QSOX1: variants seen among roughly 807,000 people sequenced by gnomAD.
The protein encoded by QSOX1 is quiescin sulfhydryl oxidase 1, also known as sulfhydryl oxidase 1.
Under a neutral mutation model 76.1 loss-of-function variants are expected in QSOX1, and 40 were observed. That is an observed-to-expected ratio of 0.53 (90% confidence interval 0.41 to 0.68). The LOEUF is 0.68. QSOX1 is among the 30% of genes least tolerant of loss of function. The probability of loss-of-function intolerance (pLI) is 0.00; values close to 1 mark genes in which losing one functional copy is unlikely to be tolerated. For synonymous variants in QSOX1, 392 were observed against 413.1 expected (o/e 0.95, Z 0.62); for missense variants, 931 against 974.3 (o/e 0.96, Z 0.59).
intron 3 of QSOX1, 96 bp downstream of exon 3, chr1:180,175,462 C>G: frequency 7.4e-7 from 1 of 1,356,132 alleles, no homozygotes; most frequent in South Asian, 1.2e-5. Flanking sequence ...CCCTGGCAGT[C>G]GGCAGGGTCG....
chr1:180,175,864 T>C, intron 3 of QSOX1, 67 bp from the exon 4 acceptor site: 3 of 1,260,430 alleles, frequency 2.4e-6, no homozygotes, highest in Non-Finnish European at 3.4e-6. Context: ...GGAGTGAAGG[T>C]GGCCAGTGTG....
chr1:180,165,081 C>T (rs1217095273), intron 1 of QSOX1, among the ~76,000 whole-genome samples: 1 of 152,230 alleles, frequency 6.6e-6, no homozygotes, highest in African/African-American at 2.4e-5. Flanking sequence ...ATACCTTTCA[C>T]CTCGTCTAAC....
rs1407507362 is a variant in QSOX1 at position 180,166,594 on chromosome 1, G to A, written c.366+3G>A. 6.2e-7 allele frequency: 1 copy of A among 1,612,974 alleles called. No individual in the cohort carries two copies. The highest frequency in any genetic ancestry group is 1.3e-5 in the African/African-American group (1 of 74,898). On this transcript the variant is annotated splice_donor_region_variant and intron_variant, in intron 2 of 11. Transcript: ENST00000367602. ...TCCCTGGCTTCCCGACTGTGAGGGT[G>A]TGTGACTGACAGGAGGGGAAGGCAG... is the stretch of plus-strand genomic sequence containing the variant.
At chr1:180,162,629 C>T (rs537683531) in intron 1 of QSOX1, among the ~76,000 whole-genome samples, 3 of 152,148 alleles carry the variant, frequency 2.0e-5, no homozygotes, top group African/African-American at 7.2e-5. Flanking sequence ...GTACCAGCTA[C>T]TTAAGCAGCT....
chr1:180,189,556 T>C lies in QSOX1; in HGVS notation c.1022T>C (p.Phe341Ser). Reference sequence around the variant, plus strand: ...TCCGCTTGTTCCTCCCCACAGTATTTCCCTGGCCGGCCCTTAGTCCAGAAC... The same window carrying C: ...TCCGCTTGTTCCTCCCCACAGTATTCCCCTGGCCGGCCCTTAGTCCAGAAC... ...KKFVAVLAKY[F>S]PGRPLVQNFL... Residue 341 changes from phenylalanine (F) to serine (S), a missense_variant, in exon 9 of 12, where the codon TTC becomes TCC. Transcript: ENST00000367602. 1.2e-6 allele frequency: 2 copies of C among 1,610,008 alleles called. No individual in the cohort carries two copies. Among genetic ancestry groups the C allele is most frequent in the Non-Finnish European group, 1.7e-6 (2 of 1,177,490 alleles).
chr1:180,196,861 G>A lies in QSOX1; in HGVS notation c.2068G>A (p.Ala690Thr). The A allele has an allele frequency of 6.2e-7, 1 of 1,601,240 alleles. No individual in the cohort carries two copies. The highest frequency in any genetic ancestry group is 8.5e-7 in the Non-Finnish European group (1 of 1,172,028). ...DIPEGQLEAR[A>T]GRGRGQWLQV... ...CCCTGAGGGCCAGCTGGAGGCCCGAGCTGGACGGGGCCGAGGCCAGTGGCT... is the reference window on the plus strand; with the variant it reads ...CCCTGAGGGCCAGCTGGAGGCCCGAACTGGACGGGGCCGAGGCCAGTGGCT... The change falls in exon 12 of 12, where the codon GCT (alanine) becomes ACT (threonine). Residue 690 changes from alanine to threonine, a missense_variant. Ala to Thr is a moderately conservative substitution (Grantham distance 58). Transcript: ENST00000367602. This position sits in a 1 kb window ranked among gnomAD's most constrained non-coding sequence, Gnocchi z 4.1.
rs999699151 is a variant in QSOX1 at position 180,175,166 on chromosome 1, AAAAG to A, written c.367-143_367-140del. On this transcript the variant is annotated intron_variant, in intron 2 of 11. Transcript: ENST00000367602. Reference sequence around the variant, plus strand: ...AGCGAGACTCTGTCTCAAAAAAAAAAAAAGAAAGAAAGAAAAAAGAAACAGGCTC... The same window carrying A: ...AGCGAGACTCTGTCTCAAAAAAAAAAAAAGAAAGAAAAAAGAAACAGGCTC... Among the ~76,000 whole-genome samples the A allele has an allele frequency of 1.5e-4, 23 of 151,584 alleles. No homozygotes were observed. The East Asian group carries it at 3.5e-3, about 23-fold the overall frequency.
intron 5 of QSOX1, among the ~76,000 whole-genome samples, chr1:180,181,057 C>T (rs899894961): frequency 2.0e-5 from 3 of 152,234 alleles, no homozygotes; most frequent in Non-Finnish European, 4.4e-5. Context: ...CTCTTAGTCT[C>T]CTGAGAATAG....
rs764057633 is a variant in QSOX1 at position 180,190,567 on chromosome 1, C to A, written c.1275C>A (p.His425Gln). ...TVQAARQNVD[H>Q]SQEAAKAKEV... ...AGGCAGCTCGGCAAAATGTAGACCACTCACAGGAAGCAGGTACGTCCAGGA... is the reference window on the plus strand; with the variant it reads ...AGGCAGCTCGGCAAAATGTAGACCAATCACAGGAAGCAGGTACGTCCAGGA... Residue 425 changes from histidine (H) to glutamine (Q), a missense_variant, in exon 10 of 12, where the codon CAC (histidine) becomes CAA (glutamine). His to Gln is a conservative substitution (Grantham distance 24, BLOSUM62 0). Transcript: ENST00000367602. The A allele has an allele frequency of 1.2e-6, 2 of 1,613,698 alleles. No individual in the cohort carries two copies. Among genetic ancestry groups the A allele is most frequent in the African/African-American group, 2.7e-5 (2 of 74,924 alleles).
Position 180,197,047 on chromosome 1 carries a change from G to A in QSOX1, c.*10G>A, listed in dbSNP as rs763133100. The A allele has an allele frequency of 1.9e-6, 3 of 1,594,214 alleles. No individual in the cohort carries two copies. Among genetic ancestry groups the A allele is most frequent in the East Asian group, 2.2e-5 (1 of 44,616 alleles). On this transcript the variant is annotated 3_prime_UTR_variant, in exon 12 of 12. Coordinates refer to ENST00000367602, the MANE Select transcript of QSOX1 (RefSeq NM_002826.5). ...CCACCCTGCAGCCTGAACCACCTGG[G>A]GAGGAGGCGGGAGAGGGAGCTGCCA...
At chr1:180,160,400 G>A (rs1232645958) in intron 1 of QSOX1, among the ~76,000 whole-genome samples, 1 of 151,236 alleles carries the variant, frequency 6.6e-6, no homozygotes, top group African/African-American at 2.4e-5. Context: ...ATTAAAGCAG[G>A]AAGTGAGAAC....
intron 8 of QSOX1, among the ~76,000 whole-genome samples, chr1:180,189,090 G>A (rs868530530): frequency 2.6e-5 from 4 of 152,178 alleles, no homozygotes; most frequent in Non-Finnish European, 5.9e-5. Flanking sequence ...GAAAGGTCTC[G>A]TGCCCACCTA....
At position 180,196,557 on chromosome 1, in the gene QSOX1, C is replaced by T. The variant is rs947888255; in HGVS notation, c.1764C>T (p.Ser588=). Reference sequence around the variant, plus strand: ...CTGGGAAGCCTGAGATGATGAAGTCCCCCACAAACACCACCCCACATGTGC... The same window carrying T: ...CTGGGAAGCCTGAGATGATGAAGTCTCCCACAAACACCACCCCACATGTGC... ...LDPGKPEMMK[S]PTNTTPHVPA... The change falls in exon 12 of 12, where the codon TCC becomes TCT. Residue 588 remains serine (S), a synonymous_variant. Transcript: ENST00000367602. The surrounding 1 kb of genome is among the most constrained non-coding windows in gnomAD (Gnocchi z 4.1). 1 of 1,614,180 alleles carries T rather than the reference C, an allele frequency of 6.2e-7. No individual in the cohort carries two copies.
rs1460284522 is a variant in QSOX1, at chr1:180,203,984, A to G, written c.*6947A>G. ...TTTTTAACAACTTCTGTTGTAAATAATAAAAGCACTAAATCCCTACTGAAA... is the reference window on the plus strand; with the variant it reads ...TTTTTAACAACTTCTGTTGTAAATAGTAAAAGCACTAAATCCCTACTGAAA... On this transcript the variant is annotated 3_prime_UTR_variant, in exon 12 of 12. Transcript: ENST00000367602. 4 of 152,236 alleles carry G rather than the reference A, an allele frequency of 2.6e-5. No homozygotes were observed. Among genetic ancestry groups the G allele is most frequent in the Non-Finnish European group, 2.9e-5 (2 of 68,038 alleles). The allele number at this position is 152,236 out of a possible 1,614,324, so 9.4% of individuals were successfully genotyped here. A position where few individuals can be genotyped will look rare whatever the true frequency, so the allele number is the denominator to read the frequency against.
At position 180,204,000 on chromosome 1, in the gene QSOX1, C is replaced by G. The variant is rs566150838; in HGVS notation, c.*6963C>G. ...TTGTAAATAATAAAAGCACTAAATC[C>G]CTACTGAAAATAAAGGGCCTAAAGA... On this transcript the variant is annotated 3_prime_UTR_variant, in exon 12 of 12. Coordinates refer to ENST00000367602, the MANE Select transcript of QSOX1 (RefSeq NM_002826.5). The G allele has an allele frequency of 4.5e-4, 68 of 152,120 alleles. No individual in the cohort carries two copies. The highest frequency in any genetic ancestry group is 4.5e-3 in the Admixed American group (68 of 15,278). 9.4% of individuals were successfully genotyped at this position (152,120 alleles called of 1,614,324 possible). A position where few individuals can be genotyped will look rare whatever the true frequency, so the allele number is the denominator to read the frequency against.
At chr1:180,179,064 A>G (rs558016220) in intron 5 of QSOX1, among the ~76,000 whole-genome samples, 180 bp downstream of exon 5, 7 of 152,332 alleles carry the variant, frequency 4.6e-5, no homozygotes, top group Admixed American at 2.6e-4. Context: ...TTGCGTTTCA[A>G]AACCTTGCTG....
intron 7 of QSOX1, 79 bp from the exon 8 acceptor site, chr1:180,185,974 T>C: frequency 6.5e-7 from 1 of 1,535,906 alleles, no homozygotes; most frequent in Admixed American, 1.7e-5. Context: ...CTTCTCTCCC[T>C]TTAGCCCTGG....
At chr1:180,177,602 A>C (rs1662931401) in intron 4 of QSOX1, among the ~76,000 whole-genome samples, 1 of 152,186 alleles carries the variant, frequency 6.6e-6, no homozygotes, top group Admixed American at 6.5e-5. Context: ...GAGATGTGTG[A>C]TGAAAGGTGA....
chr1:180,175,323 C>T lies in QSOX1; in HGVS notation c.369C>T (p.Phe123=). ...FNIPGFPTVR[F]FKAFTKNGSG... The stretch of plus-strand genomic sequence containing the variant: ...CCCACCTGTGTGTTTGCTTCCAGTT[C>T]TTCAAGGCCTTTACCAAGAACGGCT... Residue 123 remains phenylalanine, a splice_region_variant and synonymous_variant, in exon 3 of 12, where the codon TTC becomes TTT. Transcript: ENST00000367602. 1 of 1,614,116 alleles carries T rather than the reference C, an allele frequency of 6.2e-7. No homozygotes were observed. Among genetic ancestry groups the T allele is most frequent in the South Asian group, 1.1e-5 (1 of 91,084 alleles).
Sources: allele counts gnomAD v4.1 joint callset (sites outside exome capture counted in the v4.1 genomes callset), GRCh38; gene constraint gnomAD v4.1.1; non-coding constraint Gnocchi (gnomAD v3.1); transcripts MANE v1.5; gene names NCBI Gene and HGNC (gene_info 2026-07-23, HGNC 2026-07-21).